Variants in OR4M1 observed in about 807,000 individuals in gnomAD.
The protein encoded by OR4M1 is olfactory receptor 4M1.
OR4M1 carries 7 observed loss-of-function variants against 9.8 expected under a neutral mutation model. The ratio of observed to expected loss-of-function variants is 0.71; its 90% CI spans 0.41 to 1.34. OR4M1 has a LOEUF of 1.34. Ranked by LOEUF, OR4M1 falls within the 40% of genes most tolerant of loss-of-function variation. The probability of loss-of-function intolerance (pLI) is 0.01; values close to 1 mark genes in which losing one functional copy is unlikely to be tolerated. For synonymous variants in OR4M1, 121 were observed against 139.8 expected (o/e 0.87, Z 0.95); for missense variants, 331 against 380.4 (o/e 0.87, Z 1.08).
rs1257466435 is a variant in OR4M1, at chr14:19,782,910, A to G, written c.*1646A>G. 9 of 152,224 alleles carry G rather than the reference A, an allele frequency of 5.9e-5. No homozygotes were observed. Among genetic ancestry groups the G allele is most frequent in the Non-Finnish European group, 8.8e-5 (6 of 68,032 alleles). The allele number at this position is 152,224 out of a possible 1,614,324, so 9.4% of individuals were successfully genotyped here. On this transcript the variant is annotated 3_prime_UTR_variant, in exon 2 of 2. Transcript: ENST00000641200. ...GAGTTATGTTTCTAAATCTTTTATC[A>G]TCTTACTGTCATTTCTCTGTATTTG...
At chr14:19,776,102 A>T (rs1301202136) in intron 1 of OR4M1, among the ~76,000 whole-genome samples, 1 of 152,206 alleles carries the variant, frequency 6.6e-6, no homozygotes, top group Non-Finnish European at 1.5e-5. Flanking sequence ...TATCCTAAAA[A>T]TAGGAAAATT....
intron 1 of OR4M1, among the ~76,000 whole-genome samples, chr14:19,779,266 A>G: frequency 6.6e-6 from 1 of 152,192 alleles, no homozygotes; most frequent in East Asian, 1.9e-4. Flanking sequence ...TTAATATTTA[A>G]TTTTTTAAGC....
rs746015374 is a variant in OR4M1 at position 19,780,867 on chromosome 14, C to T, written c.545C>T (p.Thr182Ile). 1.2e-5 allele frequency: 20 copies of T among 1,614,224 alleles called. No individual in the cohort carries two copies. In the South Asian group the frequency reaches 1.6e-4, roughly 13 times the overall value. ...TTAGACAGTTACTTCTGTGACATCA[C>T]ACAGGTTGTCCGGATTGCCTGTGCC... Reference protein sequence around the residue: ...NELDSYFCDITQVVRIACANT... With the variant: ...NELDSYFCDIIQVVRIACANT... Residue 182 changes from threonine (T) to isoleucine (I), a missense_variant, in exon 2 of 2, where the codon ACA becomes ATA. Around this residue, in one of 2 missense-constraint regions of OR4M1, gnomAD observed 122 missense variants for 180.5 expected, o/e 0.68. Coordinates refer to ENST00000641200, the MANE Select transcript of OR4M1 (RefSeq NM_001005500.2).
intron 1 of OR4M1, among the ~76,000 whole-genome samples, chr14:19,776,767 GTTTA>G (rs1169203544): frequency 6.6e-6 from 1 of 152,030 alleles, no homozygotes; most frequent in African/African-American, 2.4e-5. Context: ...AGTATGTATA[GTTTA>G]TTTAGCCCAA....
chr14:19,780,983 C>T lies in OR4M1; in HGVS notation c.661C>T (p.Leu221Phe), dbSNP rs770326291. The T allele has an allele frequency of 1.2e-6, 2 of 1,614,236 alleles. No homozygotes were observed. The highest frequency in any genetic ancestry group is 2.2e-5 in the South Asian group (2 of 91,086). The change falls in exon 2 of 2, where the codon CTT becomes TTT. Residue 221 changes from leucine (L) to phenylalanine (F), a missense_variant. By Grantham distance (22) the Leu-to-Phe change is conservative (BLOSUM62 0). Around this residue, in one of 2 missense-constraint regions of OR4M1, gnomAD observed 122 missense variants for 180.5 expected, o/e 0.68. Coordinates refer to ENST00000641200, the MANE Select transcript of OR4M1 (RefSeq NM_001005500.2). ...TGCTCTGTTAATGTCCTATGCCTTC[C>T]TTCTGGCCTTGCTCAAGAAACATTC... is the stretch of plus-strand genomic sequence containing the variant. ...FIALLMSYAF[L>F]LALLKKHSGS...
chr14:19,776,757 A>G (rs1878320011), intron 1 of OR4M1, among the ~76,000 whole-genome samples: 1 of 152,088 alleles, frequency 6.6e-6, no homozygotes, highest in African/African-American at 2.4e-5. Flanking sequence ...TGCATACCCA[A>G]GTATGTATAG....
chr14:19,774,977 C>T (rs1202064746), intron 1 of OR4M1, among the ~76,000 whole-genome samples: 5 of 152,190 alleles, frequency 3.3e-5, no homozygotes, highest in African/African-American at 1.2e-4. Context: ...CCAGAGTAAC[C>T]TTAAAAGCTG....
chr14:19,779,941 C>G (rs1242732987), intron 1 of OR4M1, among the ~76,000 whole-genome samples: 1 of 152,234 alleles, frequency 6.6e-6, no homozygotes, highest in Non-Finnish European at 1.5e-5. Flanking sequence ...TCTCTGATTG[C>G]CAGTCTAAAA....
intron 1 of OR4M1, among the ~76,000 whole-genome samples, chr14:19,778,795 A>T (rs1346867376): frequency 6.6e-6 from 1 of 151,112 alleles, no homozygotes. Context: ...GAAATATGTC[A>T]TTCTGGATAA....
rs1430615891 is a variant in OR4M1 at position 19,783,501 on chromosome 14, G to A, written c.*2237G>A. ...GGCAGGGATAAGGCAGGTTAGTGTA[G>A]AAGAAATAGGTGTTAACCTCATATG... is the stretch of plus-strand genomic sequence containing the variant. On this transcript the variant is annotated 3_prime_UTR_variant, in exon 2 of 2. Coordinates refer to ENST00000641200, the MANE Select transcript of OR4M1 (RefSeq NM_001005500.2). The A allele has an allele frequency of 2.6e-5, 4 of 152,250 alleles. No homozygotes were observed. The highest frequency in any genetic ancestry group is 6.5e-5 in the Admixed American group (1 of 15,278). 9.4% of individuals were successfully genotyped at this position (152,250 alleles called of 1,614,324 possible).
intron 1 of OR4M1, among the ~76,000 whole-genome samples, chr14:19,775,280 C>T (rs1878274993): frequency 6.6e-6 from 1 of 152,182 alleles, no homozygotes; most frequent in South Asian, 2.1e-4. Context: ...TTCATGACTC[C>T]TCCTATAGCT....
In OR4M1 at chr14:19,780,621, A is replaced by AGCTCT; in HGVS notation, c.300_304dup (p.Phe102CysfsTer18). 6.2e-7 allele frequency: 1 copy of AGCTCT among 1,614,228 alleles called. No homozygotes were observed. ...ATTTCCTTTGGTGGATGCATTGCAC[A>AGCTCT]GCTCTTCTTCTTACACTTTGTTGGG... On this transcript the variant is annotated frameshift_variant, in exon 2 of 2. Coordinates refer to ENST00000641200, the MANE Select transcript of OR4M1 (RefSeq NM_001005500.2). LOFTEE classifies it high-confidence loss of function.
chr14:19,781,950 T>C lies in OR4M1; in HGVS notation c.*686T>C, dbSNP rs1319815745. On this transcript the variant is annotated 3_prime_UTR_variant, in exon 2 of 2. Coordinates refer to ENST00000641200, the MANE Select transcript of OR4M1 (RefSeq NM_001005500.2). ...GGCTGATACATGAGATTCATGTCAT[T>C]CCAGATGAAGCCTCCAGGCAACTAG... The C allele has an allele frequency of 1.3e-5, 2 of 152,402 alleles. No individual in the cohort carries two copies. The highest frequency in any genetic ancestry group is 4.8e-5 in the African/African-American group (2 of 41,470). 9.4% of individuals were successfully genotyped at this position (152,402 alleles called of 1,614,324 possible).
chr14:19,779,037 G>C (rs114187357), intron 1 of OR4M1, among the ~76,000 whole-genome samples: 2,468 of 152,126 alleles, frequency 0.016, 59 homozygotes, highest in African/African-American at 0.057. Flanking sequence ...GTGTGTGTCT[G>C]CTTGTAGTAA....
chr14:19,777,787 G>T (rs1402814648), intron 1 of OR4M1, among the ~76,000 whole-genome samples: 1 of 152,186 alleles, frequency 6.6e-6, no homozygotes, highest in African/African-American at 2.4e-5. Context: ...AATAGGAATT[G>T]TTGCATCATT....
At chr14:19,777,006 C>CCATA (rs1878330180) in intron 1 of OR4M1, among the ~76,000 whole-genome samples, 1 of 17,026 alleles carries the variant, frequency 5.9e-5, no homozygotes, top group Non-Finnish European at 1.3e-4. Flanking sequence ...ATTGTTTAAG[C>CCATA]CATATATATA....
intron 1 of OR4M1, among the ~76,000 whole-genome samples, chr14:19,774,475 A>T (rs1476908238): frequency 6.6e-6 from 1 of 152,240 alleles, no homozygotes; most frequent in African/African-American, 2.4e-5. Flanking sequence ...ATACTCCATG[A>T]CCTCAAGGAG....
At chr14:19,778,923 A>G (rs1410192944) in intron 1 of OR4M1, among the ~76,000 whole-genome samples, 1 of 152,222 alleles carries the variant, frequency 6.6e-6, no homozygotes, top group African/African-American at 2.4e-5. Flanking sequence ...GGACATGGGG[A>G]AATTGATCCC....
intron 1 of OR4M1, among the ~76,000 whole-genome samples, chr14:19,777,288 A>C (rs1878343637): frequency 6.6e-6 from 1 of 151,572 alleles, no homozygotes; most frequent in East Asian, 1.9e-4. Context: ...GTTCTTAGAA[A>C]GTCTTTCATG....
Sources: gnomAD v4.1 joint callset for allele counts (sites outside exome capture counted in the v4.1 genomes callset) on GRCh38, gnomAD v4.1.1 for gene constraint, gnomAD v4.1.1 regional missense constraint, MANE v1.5 for transcripts, NCBI Gene and HGNC (gene_info 2026-07-23, HGNC 2026-07-21) for gene names.